FAM168A: variants seen among roughly 807,000 people sequenced by gnomAD.
FAM168A encodes protein FAM168A.
FAM168A carries 3 observed loss-of-function variants against 28.5 expected under a neutral mutation model. That is an observed-to-expected ratio of 0.11 (90% CI 0.05 to 0.27). The LOEUF is 0.27. Ranked by LOEUF, FAM168A falls within the 10% of genes least tolerant of loss-of-function variation. The probability of loss-of-function intolerance (pLI) is 1.00; values close to 1 mark genes in which losing one functional copy is unlikely to be tolerated. For missense variants in FAM168A, 222 were observed against 311.5 expected, an observed-to-expected ratio of 0.71 and a Z score of 2.16; for synonymous variants, 122 against 124.2, an observed-to-expected ratio of 0.98 and a Z score of 0.12.
chr11:73,590,488 G>A (rs1487779129), intron 1 of FAM168A, among the ~76,000 whole-genome samples: 1 of 152,048 alleles, frequency 6.6e-6, no homozygotes, highest in Non-Finnish European at 1.5e-5. Flanking sequence ...GAATAAATGA[G>A]TCTCACAAAT....
At chr11:73,543,598 C>A (rs1943685199) in intron 1 of FAM168A, among the ~76,000 whole-genome samples, 1 of 152,082 alleles carries the variant, frequency 6.6e-6, no homozygotes, top group South Asian at 2.1e-4. Context: ...AGTCTTCAAT[C>A]GGGTCTTCCT....
At chr11:73,471,697 C>A (rs934239896) in intron 1 of FAM168A, among the ~76,000 whole-genome samples, 1 of 152,150 alleles carries the variant, frequency 6.6e-6, no homozygotes, top group African/African-American at 2.4e-5. Context: ...CATGCCTTAG[C>A]CTTTCTTTCC....
chr11:73,504,674 A>C (rs1231062477), intron 1 of FAM168A, among the ~76,000 whole-genome samples: 1 of 152,212 alleles, frequency 6.6e-6, no homozygotes, highest in Non-Finnish European at 1.5e-5. Flanking sequence ...AAGGAATATA[A>C]ATCATTCTAC....
chr11:73,544,821 AATTT>A (rs1341247166), intron 1 of FAM168A, among the ~76,000 whole-genome samples: 1 of 101,966 alleles, frequency 9.8e-6, no homozygotes, highest in Non-Finnish European at 1.8e-5. Flanking sequence ...ATATATAATA[AATTT>A]ATTATATATA....
At chr11:73,432,639 C>A (rs1046046754) in intron 2 of FAM168A, among the ~76,000 whole-genome samples, 1 of 152,046 alleles carries the variant, frequency 6.6e-6, no homozygotes, top group Admixed American at 6.6e-5. Flanking sequence ...TTTGGCCGGG[C>A]GCGGTGGCTC....
intron 2 of FAM168A, among the ~76,000 whole-genome samples, chr11:73,439,887 T>A (rs1430016613): frequency 1.4e-5 from 2 of 147,078 alleles, no homozygotes; most frequent in Admixed American, 1.3e-4. Context: ...CACTTTTTTT[T>A]TTTTTTTTTT....
At chr11:73,546,768 A>G (rs1340017521) in intron 1 of FAM168A, among the ~76,000 whole-genome samples, 1 of 151,342 alleles carries the variant, frequency 6.6e-6, no homozygotes, top group Admixed American at 6.6e-5. Flanking sequence ...GATGAAGATG[A>G]TTTTTAGGTA....
At chr11:73,444,811 A>T (rs1867269593) in intron 2 of FAM168A, among the ~76,000 whole-genome samples, 1 of 152,182 alleles carries the variant, frequency 6.6e-6, no homozygotes. Flanking sequence ...TTTGTTGAAA[A>T]ACAATGTATG....
intron 1 of FAM168A, among the ~76,000 whole-genome samples, chr11:73,593,857 G>C (rs527508547): frequency 6.6e-6 from 1 of 152,170 alleles, no homozygotes; most frequent in Non-Finnish European, 1.5e-5. Flanking sequence ...CTAATAGTAA[G>C]TGGTAGACAG....
intron 3 of FAM168A, chr11:73,430,150 C>A: frequency 6.3e-6 from 1 of 158,568 alleles, no homozygotes; most frequent in Non-Finnish European, 1.4e-5. Context: ...AAACCCATTT[C>A]AACCTCAATC....
intron 2 of FAM168A, among the ~76,000 whole-genome samples, chr11:73,438,728 G>C (rs751564080): frequency 6.6e-6 from 1 of 152,142 alleles, no homozygotes; most frequent in Non-Finnish European, 1.5e-5. Flanking sequence ...GTTAAGATCA[G>C]AGAAGGAGGA....
In FAM168A at chr11:73,507,513, T is replaced by A. The variant is rs564065620; in HGVS notation, c.-18-39021A>T. On this transcript the variant is annotated intron_variant, in intron 1 of 7. Coordinates refer to ENST00000356467, the MANE Select transcript of FAM168A (RefSeq NM_015159.3). ...GGGAGGAGGGAGGGGACCCAAAAAA[T>A]AACTATTGGGTACTGGGGCTTAATA... 4.7e-3 allele frequency among the ~76,000 whole-genome samples: 713 copies of A among 152,086 alleles called. 9 individuals carry two copies. The highest frequency in any genetic ancestry group is 0.014 in the African/African-American group (597 of 41,476).
chr11:73,442,955 G>GAGATAT (rs1280345663), intron 2 of FAM168A, among the ~76,000 whole-genome samples: 2 of 40,228 alleles, frequency 5.0e-5, no homozygotes, highest in Non-Finnish European at 1.1e-4. Context: ...ATATACAAAG[G>GAGATAT]ATATATATAT....
chr11:73,596,307 G>C (rs1275575596), intron 1 of FAM168A, among the ~76,000 whole-genome samples: 1 of 152,126 alleles, frequency 6.6e-6, no homozygotes, highest in Non-Finnish European at 1.5e-5. Flanking sequence ...GAAAAGAAAA[G>C]GCAGAGACAT....
intron 1 of FAM168A, among the ~76,000 whole-genome samples, chr11:73,589,389 G>C (rs531190222): frequency 8.1e-4 from 123 of 151,994 alleles, no homozygotes; most frequent in African/African-American, 2.8e-3. Context: ...TCAAGTTTTG[G>C]TGTAACATGG....
intron 2 of FAM168A, among the ~76,000 whole-genome samples, chr11:73,445,568 A>C (rs1867297308): frequency 6.6e-6 from 1 of 151,502 alleles, no homozygotes; most frequent in Non-Finnish European, 1.5e-5. Flanking sequence ...TCCAGCCTTT[A>C]AAAACTCTTA....
chr11:73,581,908 G>A (rs57491850), intron 1 of FAM168A, among the ~76,000 whole-genome samples: 11,718 of 151,960 alleles, frequency 0.077, 546 homozygotes, highest in Non-Finnish European at 0.11. Flanking sequence ...TAGTAGAGAC[G>A]AGGTTTCACC....
At chr11:73,554,959 C>T (rs1943873461) in intron 1 of FAM168A, among the ~76,000 whole-genome samples, 1 of 152,088 alleles carries the variant, frequency 6.6e-6, no homozygotes. Context: ...TACCATATAG[C>T]GTGACAAAGG....
intron 1 of FAM168A, among the ~76,000 whole-genome samples, chr11:73,591,678 A>AT (rs1944383553): frequency 6.6e-6 from 1 of 152,066 alleles, no homozygotes; most frequent in East Asian, 1.9e-4. Flanking sequence ...TCCAGATAAT[A>AT]TTTTTGTTTT....
Sources: allele counts gnomAD v4.1 joint callset (sites outside exome capture counted in the v4.1 genomes callset), GRCh38; gene constraint gnomAD v4.1.1; transcripts MANE v1.5; gene names NCBI Gene and HGNC (gene_info 2026-07-23, HGNC 2026-07-21).